SEL1L3: variants seen among roughly 807,000 people sequenced by gnomAD.
SEL1L3 encodes SEL1L family member 3.
SEL1L3 carries 76 observed loss-of-function variants against 142.8 expected under a neutral mutation model. The ratio of observed to expected loss-of-function variants is 0.53; its 90% CI spans 0.44 to 0.64. The LOEUF (loss-of-function observed/expected upper bound fraction) is 0.64, where lower values mean the gene tolerates loss of function less well. Among genes scored for constraint, SEL1L3 ranks in the 30% least tolerant of loss-of-function variants. The pLI is 0.00. For missense variants in SEL1L3, 1,262 were observed against 1,381.7 expected (o/e 0.91, Z 1.37); for synonymous variants, 504 against 519.6 (o/e 0.97, Z 0.41).
rs1488745434 is a variant in SEL1L3, at chr4:25,765,320, G to A, written c.2955+6C>T. On this transcript the variant is annotated splice_donor_region_variant and intron_variant, in intron 20 of 23. Transcript: ENST00000399878. ...AGAGCTGGTTTTTGTTGCGGTTGCT[G>A]TTTACCTGGGAGTCTCCATCCAGGG... is the stretch of plus-strand genomic sequence containing the variant. The A allele has an allele frequency of 3.1e-6, 5 of 1,592,970 alleles. No homozygotes were observed. The highest frequency in any genetic ancestry group is 1.3e-5 in the African/African-American group (1 of 74,368).
intron 11 of SEL1L3, among the ~76,000 whole-genome samples, chr4:25,795,011 T>C (rs1038848423): frequency 4.3e-5 from 5 of 117,596 alleles, no homozygotes; most frequent in East Asian, 2.7e-4. Flanking sequence ...ACAATGAGAA[T>C]ACATGGACAC....
At chr4:25,819,698 T>G (rs1160612152) in intron 8 of SEL1L3, 110 bp downstream of exon 8, 1 of 1,024,882 alleles carries the variant, frequency 9.8e-7, no homozygotes, top group Non-Finnish European at 1.4e-6. Context: ...CCATCTGGTA[T>G]CTGAGCCAAG....
chr4:25,847,958 AT>A (rs780954538), intron 1 of SEL1L3, 94 bp from the exon 2 acceptor site: 8 of 790,838 alleles, frequency 1.0e-5, no homozygotes, highest in Non-Finnish European at 1.6e-5. Flanking sequence ...GGATAAAAAA[AT>A]ATCAATCTAC....
chr4:25,739,127 T>TA, the SEL1L3 span, among the ~76,000 whole-genome samples: 1 of 152,044 alleles, frequency 6.6e-6, no homozygotes, highest in African/African-American at 2.4e-5. Context: ...AACCATCACT[T>TA]GAACCTGGGA....
chr4:25,813,564 G>A (rs1341284761), intron 9 of SEL1L3, among the ~76,000 whole-genome samples: 1 of 152,158 alleles, frequency 6.6e-6, no homozygotes, highest in East Asian at 1.9e-4. Flanking sequence ...TTGGGATGGG[G>A]GCAATGGGGA....
Position 25,788,164 on chromosome 4 carries a change from A to G in SEL1L3, c.2217+60T>C. On this transcript the variant is annotated intron_variant, in intron 13 of 23. Coordinates refer to ENST00000399878, the MANE Select transcript of SEL1L3 (RefSeq NM_015187.5). The surrounding 1 kb of genome is among the most constrained non-coding windows in gnomAD (Gnocchi z 5.3). ...CCCTGTTTGCCAGCCCGCCCACAGG[A>G]AACTGCTCAGGAGTCTGATAAGAAT... 1 of 1,572,256 alleles carries G rather than the reference A, an allele frequency of 6.4e-7. No individual in the cohort carries two copies. The highest frequency in any genetic ancestry group is 8.7e-7 in the Non-Finnish European group (1 of 1,153,482).
At position 25,833,467 on chromosome 4, in the gene SEL1L3, A is replaced by G. The variant is rs1478530978; in HGVS notation, c.963T>C (p.Ser321=). ...VDSNEMYGTP[S]VFLTEEGYLH... ...ACTCACCCTCTTCCGTAAGAAATAC[A>G]GAAGGTGTGCCGTACATCTCATTAG... Residue 321 remains serine (S), a synonymous_variant, in exon 4 of 24, where the codon TCT becomes TCC. Transcript: ENST00000399878. The G allele has an allele frequency of 6.2e-7, 1 of 1,611,884 alleles. No individual in the cohort carries two copies. Among genetic ancestry groups the G allele is most frequent in the Non-Finnish European group, 8.5e-7 (1 of 1,178,620 alleles).
intron 5 of SEL1L3, among the ~76,000 whole-genome samples, chr4:25,831,834 A>C (rs1715467261): frequency 6.6e-6 from 1 of 152,080 alleles, no homozygotes. Flanking sequence ...CTGGCAACTA[A>C]GCTCGCTTTG....
chr4:25,829,872 G>A (rs534425979), intron 6 of SEL1L3, among the ~76,000 whole-genome samples: 1 of 152,244 alleles, frequency 6.6e-6, no homozygotes, highest in Admixed American at 6.5e-5. Flanking sequence ...CTGGAGAGAG[G>A]ACTAGTTTTT....
intron 23 of SEL1L3, chr4:25,755,843 C>A: frequency 1.0e-6 from 1 of 976,762 alleles, no homozygotes; most frequent in Non-Finnish European, 1.2e-6. Flanking sequence ...AATATTTCTA[C>A]AGAGTAAAAA....
intron 14 of SEL1L3, 59 bp downstream of exon 14, chr4:25,784,169 C>T (rs1006784229): frequency 8.8e-6 from 12 of 1,358,792 alleles, no homozygotes; most frequent in African/African-American, 2.9e-5. Flanking sequence ...TTTAGACGTG[C>T]GAGAGCGTGT....
intron 1 of SEL1L3, among the ~76,000 whole-genome samples, chr4:25,858,346 C>G (rs1385313920): frequency 6.6e-6 from 1 of 152,186 alleles, no homozygotes; most frequent in Non-Finnish European, 1.5e-5. Context: ...ATACCTCTCC[C>G]TCAAGCTAGA....
At chr4:25,781,413 G>A (rs948165052) in intron 15 of SEL1L3, among the ~76,000 whole-genome samples, 7 of 151,834 alleles carry the variant, frequency 4.6e-5, no homozygotes, top group Non-Finnish European at 1.0e-4. Flanking sequence ...GGAGGTGGGC[G>A]GATCACTTGA....
chr4:25,762,835 G>C (rs891991760), intron 20 of SEL1L3, among the ~76,000 whole-genome samples: 2 of 152,092 alleles, frequency 1.3e-5, no homozygotes, highest in Admixed American at 1.3e-4. Context: ...AAAATTAGCT[G>C]GGTGTGGTGG....
chr4:25,840,851 C>T (rs1482257011), intron 2 of SEL1L3, among the ~76,000 whole-genome samples: 1 of 152,162 alleles, frequency 6.6e-6, no homozygotes, highest in Non-Finnish European at 1.5e-5. Flanking sequence ...CTCTAGGCAG[C>T]CACCCCCAAG....
At chr4:25,830,713 G>A (rs972443897) in intron 5 of SEL1L3, among the ~76,000 whole-genome samples, 31 of 152,068 alleles carry the variant, frequency 2.0e-4, no homozygotes, top group African/African-American at 6.8e-4. Flanking sequence ...TAAGCCTCTC[G>A]ACTCAAGGGG....
intron 6 of SEL1L3, among the ~76,000 whole-genome samples, chr4:25,823,399 A>C (rs1036068810): frequency 6.6e-6 from 1 of 152,142 alleles, no homozygotes; most frequent in Admixed American, 6.6e-5. Context: ...CCTGTAATCC[A>C]GCTACTCAGG....
rs569075335 is a variant in SEL1L3 at position 25,816,775 on chromosome 4, C to T, written c.1564+1363G>A. ...CTTTGCAGGGCTTCTCCTGCCTCCC[C>T]ATTGTCACAGCACCATCATGCGACA... is the stretch of plus-strand genomic sequence containing the variant. On this transcript the variant is annotated intron_variant, in intron 9 of 23. Coordinates refer to ENST00000399878, the MANE Select transcript of SEL1L3 (RefSeq NM_015187.5). Among the ~76,000 whole-genome samples, 4 of 152,300 alleles carry T rather than the reference C, an allele frequency of 2.6e-5. No individual in the cohort carries two copies. The East Asian group carries it at 7.7e-4, about 29-fold the overall frequency.
chr4:25,716,008 C>A, the SEL1L3 span, among the ~76,000 whole-genome samples: 1 of 152,034 alleles, frequency 6.6e-6, no homozygotes, highest in Admixed American at 6.6e-5. Context: ...TATGCATTAT[C>A]TTTCAAAAGA....
Sources: gnomAD v4.1 joint callset for allele counts (sites outside exome capture counted in the v4.1 genomes callset) on GRCh38, gnomAD v4.1.1 for gene constraint, Gnocchi (gnomAD v3.1) non-coding constraint, MANE v1.5 for transcripts, NCBI Gene and HGNC (gene_info 2026-07-23, HGNC 2026-07-21) for gene names.